The following PTPRD variants were observed in gnomAD, a reference collection of about 807,000 sequenced individuals.
PTPRD encodes receptor-type tyrosine-protein phosphatase delta.
Under a neutral mutation model 214.5 loss-of-function variants are expected in PTPRD, and 34 were observed. The ratio of observed to expected loss-of-function variants is 0.16; its 90% confidence interval spans 0.12 to 0.21. PTPRD has a LOEUF of 0.21. PTPRD is among the 10% of genes least tolerant of loss of function. The pLI is 1.00. For synonymous variants in PTPRD, 1,128 were observed against 845.7 expected, an observed-to-expected ratio of 1.33 and a Z score of -5.79; for missense variants, 2,545 against 2,398.7, an observed-to-expected ratio of 1.06 and a Z score of -1.27.
chr9:9,445,778 T>C (rs2090186476), intron 8 of PTPRD, among the ~76,000 whole-genome samples: 1 of 152,036 alleles, frequency 6.6e-6, no homozygotes, highest in African/African-American at 2.4e-5. Flanking sequence ...GAGATTTGGG[T>C]GGGGACACAG....
chr9:9,270,572 G>C (rs1184675372), intron 9 of PTPRD, among the ~76,000 whole-genome samples: 1 of 151,310 alleles, frequency 6.6e-6, no homozygotes, highest in Non-Finnish European at 1.5e-5. Context: ...ATGCTGGTGA[G>C]TTAGGAAAGA....
intron 5 of PTPRD, among the ~76,000 whole-genome samples, chr9:9,891,006 T>C (rs1003128670): frequency 1.3e-5 from 2 of 152,092 alleles, no homozygotes; most frequent in East Asian, 1.9e-4. Context: ...AAAATGGAAA[T>C]GCAAGTTGAT....
At chr9:8,637,099 A>G (rs926296930) in intron 12 of PTPRD, among the ~76,000 whole-genome samples, 1 of 152,192 alleles carries the variant, frequency 6.6e-6, no homozygotes, top group African/African-American at 2.4e-5. Flanking sequence ...TAGAGATCCA[A>G]TAACATCCGA....
At chr9:9,068,926 T>G (rs184752062) in intron 10 of PTPRD, among the ~76,000 whole-genome samples, 1 of 152,280 alleles carries the variant, frequency 6.6e-6, no homozygotes, top group African/African-American at 2.4e-5. Flanking sequence ...AATTTCTTTA[T>G]GGGAAAATAT....
At chr9:8,771,049 C>T (rs926661863) in intron 11 of PTPRD, among the ~76,000 whole-genome samples, 21 of 151,760 alleles carry the variant, frequency 1.4e-4, no homozygotes, top group Non-Finnish European at 2.2e-4. Context: ...GGCGTGGTGG[C>T]GGGCACCTGT....
chr9:8,724,026 C>G (rs1228325895), intron 12 of PTPRD, among the ~76,000 whole-genome samples: 1 of 152,142 alleles, frequency 6.6e-6, no homozygotes, highest in Non-Finnish European at 1.5e-5. Context: ...GAGAACAAAG[C>G]TAAATTGTAA....
chr9:8,634,066 G>C (rs2096348831), intron 13 of PTPRD, among the ~76,000 whole-genome samples: 1 of 151,808 alleles, frequency 6.6e-6, no homozygotes, highest in Non-Finnish European at 1.5e-5. Flanking sequence ...TTCTAGCTTA[G>C]CATTTTCTGC....
chr9:9,876,655 C>T lies in PTPRD; in HGVS notation c.-368+61852G>A, dbSNP rs139395761. Among the ~76,000 whole-genome samples the T allele has an allele frequency of 1.4e-3, 218 of 152,282 alleles. 1 individual carries two copies. The highest frequency in any genetic ancestry group is 4.7e-3 in the African/African-American group (195 of 41,566). ...ATTTTTGGAAAGCATTTGCCCTTGGCAGCATCTCCTTTTTACACATATTTG... is the reference window on the plus strand; with the variant it reads ...ATTTTTGGAAAGCATTTGCCCTTGGTAGCATCTCCTTTTTACACATATTTG... On this transcript the variant is annotated intron_variant, in intron 5 of 45. Coordinates refer to ENST00000381196, the MANE Select transcript of PTPRD (RefSeq NM_002839.4).
At chr9:9,515,571 G>T (rs893374489) in intron 8 of PTPRD, among the ~76,000 whole-genome samples, 1 of 151,958 alleles carries the variant, frequency 6.6e-6, no homozygotes, top group African/African-American at 2.4e-5. Context: ...TCTCGAGGTG[G>T]TTGCAAAATG....
At chr9:10,432,416 C>A (rs2098688822) in intron 2 of PTPRD, among the ~76,000 whole-genome samples, 2 of 151,488 alleles carry the variant, frequency 1.3e-5, no homozygotes, top group African/African-American at 2.4e-5. Context: ...TGCACATGTA[C>A]CCTAAAACTT....
intron 2 of PTPRD, among the ~76,000 whole-genome samples, chr9:10,363,584 A>G (rs540175310): frequency 1.3e-5 from 2 of 152,194 alleles, no homozygotes; most frequent in Non-Finnish European, 2.9e-5. Flanking sequence ...GACCTTTTCT[A>G]TGGATTAAAC....
At chr9:10,390,211 A>G (rs2098028929) in intron 2 of PTPRD, among the ~76,000 whole-genome samples, 1 of 151,892 alleles carries the variant, frequency 6.6e-6, no homozygotes, top group Admixed American at 6.6e-5. Flanking sequence ...ATAGATAAGA[A>G]CAGTGACATT....
intron 11 of PTPRD, among the ~76,000 whole-genome samples, chr9:8,904,440 G>C (rs2098693436): frequency 6.6e-6 from 1 of 152,236 alleles, no homozygotes; most frequent in African/African-American, 2.4e-5. Flanking sequence ...GAGAGACTGA[G>C]GTGGGCAGAT....
chr9:9,829,995 T>C (rs2054282576), intron 5 of PTPRD, among the ~76,000 whole-genome samples: 2 of 151,676 alleles, frequency 1.3e-5, no homozygotes, highest in South Asian at 4.3e-4. Flanking sequence ...TGTTAAAGTA[T>C]AGCAGAAGGT....
At chr9:8,573,057 C>T (rs148513240) in intron 14 of PTPRD, among the ~76,000 whole-genome samples, 1 of 152,060 alleles carries the variant, frequency 6.6e-6, no homozygotes, top group East Asian at 1.9e-4. Context: ...CTGTTGGTTT[C>T]TATCAAATTG....
At chr9:9,118,669 G>C (rs1175756302) in intron 10 of PTPRD, among the ~76,000 whole-genome samples, 2 of 152,120 alleles carry the variant, frequency 1.3e-5, no homozygotes, top group Non-Finnish European at 2.9e-5. Context: ...ACAGGGTTTT[G>C]CTGGTGGCCT....
chr9:9,012,195 C>A (rs968275058), intron 11 of PTPRD, among the ~76,000 whole-genome samples: 6 of 152,156 alleles, frequency 3.9e-5, no homozygotes, highest in Non-Finnish European at 8.8e-5. Context: ...GAAATGAATT[C>A]TGCCAACAAC....
chr9:9,832,966 T>C (rs572760637), intron 5 of PTPRD, among the ~76,000 whole-genome samples: 1 of 152,058 alleles, frequency 6.6e-6, no homozygotes, highest in South Asian at 2.1e-4. Flanking sequence ...TATTATTTTA[T>C]ACTTGTGGGA....
At chr9:9,436,870 C>G (rs2085467627) in intron 8 of PTPRD, among the ~76,000 whole-genome samples, 1 of 144,734 alleles carries the variant, frequency 6.9e-6, no homozygotes, top group Non-Finnish European at 1.5e-5. Context: ...TGCTTATATA[C>G]CAAACAAAGT....
Sources: gnomAD v4.1 joint callset for allele counts (sites outside exome capture counted in the v4.1 genomes callset) on GRCh38, gnomAD v4.1.1 for gene constraint, MANE v1.5 for transcripts, NCBI Gene and HGNC (gene_info 2026-07-23, HGNC 2026-07-21) for gene names.